Variants in DYM observed in about 807,000 individuals in gnomAD.
The protein encoded by DYM is dyggve-Melchior-Clausen syndrome protein.
In DYM, 78 loss-of-function variants were observed where a neutral mutation model predicts 93.1. That is an observed-to-expected ratio of 0.84 (90% confidence interval 0.70 to 1.01). DYM has a LOEUF of 1.01. Among genes scored for constraint, DYM ranks in the 50% least tolerant of loss-of-function variants. DYM has a pLI of 0.00. For synonymous variants in DYM, 321 were observed against 319.7 expected (o/e 1.00, Z -0.04); for missense variants, 789 against 845.0 (o/e 0.93, Z 0.82).
chr18:49,316,578 A>T lies in DYM; in HGVS notation c.763+15286T>A, dbSNP rs970859426. ...GTAAATCCACACAGAAGAGATAATA[A>T]AAACAACGTTTACTGAAGTTTATAA... On this transcript the variant is annotated intron_variant, in intron 8 of 17. Transcript: ENST00000675505. Among the ~76,000 whole-genome samples the T allele has an allele frequency of 2.0e-5, 3 of 152,228 alleles. No individual in the cohort carries two copies. In the South Asian group the frequency reaches 6.2e-4, roughly 32 times the overall value.
intron 5 of DYM, among the ~76,000 whole-genome samples, chr18:49,375,434 A>G (rs1227488743): frequency 6.6e-6 from 1 of 152,054 alleles, no homozygotes; most frequent in Non-Finnish European, 1.5e-5. Context: ...TTCAGTACCT[A>G]TCCCCTTCCC....
At chr18:49,452,199 T>G (rs760684692) in intron 1 of DYM, among the ~76,000 whole-genome samples, 3 of 152,146 alleles carry the variant, frequency 2.0e-5, no homozygotes, top group African/African-American at 7.2e-5. Flanking sequence ...TTCCTTCTGG[T>G]GGGTTCGTGC....
chr18:49,244,687 A>G (rs2144795715), intron 13 of DYM, among the ~76,000 whole-genome samples: 1 of 152,328 alleles, frequency 6.6e-6, no homozygotes, highest in Non-Finnish European at 1.5e-5. Context: ...TGTGTGACGG[A>G]TACCAGCTTC....
At chr18:49,228,997 TAACCAA>T (rs2093620578) in intron 13 of DYM, among the ~76,000 whole-genome samples, 1 of 152,148 alleles carries the variant, frequency 6.6e-6, no homozygotes, top group Non-Finnish European at 1.5e-5. Flanking sequence ...TTAAGAAAAT[TAACCAA>T]TGGTTACTCA....
At chr18:49,200,359 A>C (rs992729858) in intron 14 of DYM, among the ~76,000 whole-genome samples, 1 of 152,040 alleles carries the variant, frequency 6.6e-6, no homozygotes, top group Non-Finnish European at 1.5e-5. Context: ...GGACACATAC[A>C]TAATTTTTAT....
intron 1 of DYM, among the ~76,000 whole-genome samples, chr18:49,452,285 G>C (rs1477046404): frequency 1.3e-5 from 2 of 152,192 alleles, no homozygotes; most frequent in African/African-American, 2.4e-5. Context: ...TGGACCCAAA[G>C]AGTGAGCAGC....
chr18:49,210,880 C>T (rs531882178), intron 13 of DYM, among the ~76,000 whole-genome samples: 1 of 152,252 alleles, frequency 6.6e-6, no homozygotes, highest in South Asian at 2.1e-4. Context: ...GGCATACTCA[C>T]TGGGAGAAAA....
intron 17 of DYM, among the ~76,000 whole-genome samples, chr18:49,080,674 T>G (rs1452185829): frequency 3.0e-5 from 4 of 133,272 alleles, no homozygotes; most frequent in Admixed American, 7.3e-5. Flanking sequence ...ACGGGGCGGC[T>G]GCCGGGCAGA....
intron 15 of DYM, among the ~76,000 whole-genome samples, chr18:49,136,850 T>G (rs1306929732): frequency 6.6e-6 from 1 of 152,166 alleles, no homozygotes; most frequent in Admixed American, 6.5e-5. Context: ...TTTCTTCTAT[T>G]GCATTTCTTT....
intron 5 of DYM, among the ~76,000 whole-genome samples, chr18:49,372,827 A>T (rs569482060): frequency 1.3e-5 from 2 of 150,894 alleles, no homozygotes; most frequent in South Asian, 2.1e-4. Flanking sequence ...GGTTCAAATT[A>T]AAAAAAAAGA....
At chr18:49,325,795 A>G (rs554211752) in intron 8 of DYM, among the ~76,000 whole-genome samples, 1 of 152,240 alleles carries the variant, frequency 6.6e-6, no homozygotes, top group Non-Finnish European at 1.5e-5. Context: ...ATTCCATGTT[A>G]GAGTACTGCA....
chr18:49,409,315 A>T (rs2071930487), intron 2 of DYM, among the ~76,000 whole-genome samples: 1 of 151,878 alleles, frequency 6.6e-6, no homozygotes, highest in African/African-American at 2.4e-5. Context: ...AAAAGAAAAA[A>T]ACTTAGCAAA....
In DYM at chr18:49,257,028, G is replaced by GATGGATGATCCTC; in HGVS notation, c.1441_1442insGAGGATCATCCAT (p.Ala481GlyfsTer46). 1 of 1,613,548 alleles carries GATGGATGATCCTC rather than the reference G, an allele frequency of 6.2e-7. No individual in the cohort carries two copies. The highest frequency in any genetic ancestry group is 8.5e-7 in the Non-Finnish European group (1 of 1,179,524). On this transcript the variant is annotated frameshift_variant, in exon 13 of 18. Transcript: ENST00000675505. LOFTEE classifies it high-confidence loss of function. ...TATTTACCTGATGATCCTCTGGGCA[G>GATGGATGATCCTC]CATACTGATGGAGAGAACGAAACTG... is the stretch of plus-strand genomic sequence containing the variant.
chr18:49,078,538 T>C (rs1407813880), intron 17 of DYM, among the ~76,000 whole-genome samples: 1 of 152,144 alleles, frequency 6.6e-6, no homozygotes. Flanking sequence ...GTGATAATTT[T>C]GGTTATTCCC....
chr18:49,225,529 A>G (rs1366255009), intron 13 of DYM, among the ~76,000 whole-genome samples: 1 of 152,120 alleles, frequency 6.6e-6, no homozygotes, highest in African/African-American at 2.4e-5. Context: ...AGATTTATAA[A>G]ATAATAGAGA....
intron 14 of DYM, chr18:49,205,901 T>C (rs1421168033): frequency 1.2e-5 from 2 of 163,674 alleles, no homozygotes; most frequent in Non-Finnish European, 2.6e-5. Flanking sequence ...TCTTTCAGGG[T>C]TGCTGTGAAA....
chr18:49,128,354 T>G (rs1379221415), intron 15 of DYM, among the ~76,000 whole-genome samples: 1 of 152,262 alleles, frequency 6.6e-6, no homozygotes, highest in Non-Finnish European at 1.5e-5. Flanking sequence ...TAAGTATTAG[T>G]GTTCATTTTT....
At chr18:49,371,011 A>G (rs576328014) in intron 5 of DYM, among the ~76,000 whole-genome samples, 1 of 152,338 alleles carries the variant, frequency 6.6e-6, no homozygotes. Context: ...TAAGATAGGT[A>G]ACCCTGAGGA....
intron 17 of DYM, among the ~76,000 whole-genome samples, chr18:49,081,490 C>T (rs1334062237): frequency 7.0e-6 from 1 of 142,704 alleles, no homozygotes; most frequent in Admixed American, 7.2e-5. Flanking sequence ...AGAGGGAGAC[C>T]GTGGAAAGAG....
Sources: gnomAD v4.1 joint callset for allele counts (sites outside exome capture counted in the v4.1 genomes callset) on GRCh38, gnomAD v4.1.1 for gene constraint, MANE v1.5 for transcripts, NCBI Gene and HGNC (gene_info 2026-07-23, HGNC 2026-07-21) for gene names.